KCNK3: variants seen among roughly 807,000 people sequenced by gnomAD.
The protein encoded by KCNK3 is potassium two pore domain channel subfamily K member 3, also known as potassium channel subfamily K member 3.
KCNK3 carries 9 observed loss-of-function variants against 27.3 expected under a neutral mutation model. The ratio of observed to expected loss-of-function variants is 0.33; its 90% CI spans 0.20 to 0.57. The LOEUF is 0.57. KCNK3 is among the 20% of genes least tolerant of loss of function. The pLI is 0.87. For synonymous variants in KCNK3, 278 were observed against 273.8 expected, an observed-to-expected ratio of 1.02 and a Z score of -0.15; for missense variants, 391 against 577.7, an observed-to-expected ratio of 0.68 and a Z score of 3.31.
chr2:26,700,513 C>T (rs2148255840), intron 1 of KCNK3, among the ~76,000 whole-genome samples: 1 of 152,346 alleles, frequency 6.6e-6, no homozygotes, highest in South Asian at 2.1e-4. Flanking sequence ...GGGCTGGTGG[C>T]CTCTCTGGCT....
intron 1 of KCNK3, among the ~76,000 whole-genome samples, chr2:26,694,412 T>C (rs1261103000): frequency 6.6e-6 from 1 of 152,190 alleles, no homozygotes; most frequent in East Asian, 1.9e-4. Flanking sequence ...GAAGATGGCA[T>C]TGTTTTCCTG....
chr2:26,726,340 G>T (rs1663420317), intron 1 of KCNK3, among the ~76,000 whole-genome samples: 1 of 152,142 alleles, frequency 6.6e-6, no homozygotes, highest in South Asian at 2.1e-4. Flanking sequence ...AGGACAGGGG[G>T]TGGTGGTAAT....
intron 1 of KCNK3, among the ~76,000 whole-genome samples, chr2:26,699,346 G>T (rs1052617095): frequency 3.9e-5 from 6 of 152,144 alleles, no homozygotes; most frequent in Non-Finnish European, 8.8e-5. Flanking sequence ...CCTGTCTGCA[G>T]GTCCCGTTTC....
At position 26,693,267 on chromosome 2, in the gene KCNK3, G is replaced by T; in HGVS notation, c.283+109G>T. On this transcript the variant is annotated intron_variant, in intron 1 of 1. Transcript: ENST00000302909. This position sits in a 1 kb window ranked among gnomAD's most constrained non-coding sequence, Gnocchi z 5.5. ...GCGGGGGCTCCCCCGAGAGGGGCTG[G>T]GCGCCGAACCCTGCGCTCGCAGAAA... 1 of 1,110,498 alleles carries T rather than the reference G, an allele frequency of 9.0e-7. No homozygotes were observed. The highest frequency in any genetic ancestry group is 3.1e-4 in the Middle Eastern group (1 of 3,182). The allele number at this position is 1,110,498 out of a possible 1,614,324, so 68.8% of individuals were successfully genotyped here. A position where few individuals can be genotyped will look rare whatever the true frequency, so the allele number is the denominator to read the frequency against.
At chr2:26,726,082 TAC>T (rs147849352) in intron 1 of KCNK3, among the ~76,000 whole-genome samples, 3,779 of 139,526 alleles carry the variant, frequency 0.027, 65 homozygotes, top group Non-Finnish European at 0.034. Context: ...AAATCATGCA[TAC>T]ACACACACAC....
intron 1 of KCNK3, among the ~76,000 whole-genome samples, chr2:26,696,337 C>G (rs1002968962): frequency 6.6e-6 from 1 of 152,168 alleles, no homozygotes; most frequent in Non-Finnish European, 1.5e-5. Flanking sequence ...GCAGCAGAGT[C>G]AGAGTGGGAA....
intron 1 of KCNK3, among the ~76,000 whole-genome samples, chr2:26,713,835 G>A (rs1663174612): frequency 6.6e-6 from 1 of 151,642 alleles, no homozygotes; most frequent in South Asian, 2.1e-4. Context: ...CAGCACTTTG[G>A]GAGGCCAAGA....
intron 1 of KCNK3, among the ~76,000 whole-genome samples, chr2:26,709,210 CA>C (rs1392057548): frequency 6.6e-6 from 1 of 152,178 alleles, no homozygotes; most frequent in Non-Finnish European, 1.5e-5. Context: ...TCCATGAAGG[CA>C]GTTAGACAGA....
chr2:26,723,700 C>T (rs147930360), intron 1 of KCNK3, among the ~76,000 whole-genome samples: 82 of 152,294 alleles, frequency 5.4e-4, no homozygotes, highest in African/African-American at 7.0e-4. Context: ...CTCATCTGTA[C>T]GATGTAAAGA....
intron 1 of KCNK3, among the ~76,000 whole-genome samples, chr2:26,724,070 G>A (rs1049840648): frequency 2.0e-5 from 3 of 152,232 alleles, no homozygotes; most frequent in South Asian, 2.1e-4. Context: ...GCAGGCAGAC[G>A]GGTCTTGCCA....
intron 1 of KCNK3, among the ~76,000 whole-genome samples, chr2:26,725,371 G>A (rs765875988): frequency 3.3e-5 from 5 of 152,184 alleles, no homozygotes; most frequent in Admixed American, 6.5e-5. Context: ...CTTCCAGAGT[G>A]TAGGAAAGAC....
intron 1 of KCNK3, among the ~76,000 whole-genome samples, chr2:26,718,620 T>TA (rs1663274433): frequency 1.3e-5 from 2 of 152,004 alleles, no homozygotes; most frequent in African/African-American, 2.4e-5. Context: ...AATACACTTT[T>TA]TTTTTTGAAA....
intron 1 of KCNK3, among the ~76,000 whole-genome samples, chr2:26,720,274 AAAC>A (rs1663304439): frequency 6.6e-6 from 1 of 152,102 alleles, no homozygotes; most frequent in Non-Finnish European, 1.5e-5. Flanking sequence ...AAACAAAACA[AAAC>A]AAAAAACGAG....
intron 1 of KCNK3, among the ~76,000 whole-genome samples, chr2:26,710,918 T>G (rs1663100005): frequency 6.6e-6 from 1 of 152,206 alleles, no homozygotes; most frequent in South Asian, 2.1e-4. Context: ...CATTCTCCCC[T>G]GGTTTATTTT....
chr2:26,708,893 G>A (rs1663045670), intron 1 of KCNK3, among the ~76,000 whole-genome samples: 1 of 152,202 alleles, frequency 6.6e-6, no homozygotes, highest in South Asian at 2.1e-4. Context: ...CCCCTCCAAA[G>A]AGAGGATGGT....
At chr2:26,714,680 G>C (rs1248818185) in intron 1 of KCNK3, among the ~76,000 whole-genome samples, 1 of 151,634 alleles carries the variant, frequency 6.6e-6, no homozygotes, top group Admixed American at 6.6e-5. Context: ...GAGGTCAGGA[G>C]TTCGAGACCA....
intron 1 of KCNK3, among the ~76,000 whole-genome samples, chr2:26,725,239 C>T (rs563565205): frequency 3.2e-4 from 49 of 152,300 alleles, no homozygotes; most frequent in Non-Finnish European, 5.7e-4. Context: ...TGAGATCCCA[C>T]GACCACTGCT....
At position 26,732,058 on chromosome 2, in the gene KCNK3, T is replaced by A. The variant is rs759742946; in HGVS notation, c.*3490T>A. The A allele has an allele frequency of 1.3e-5, 2 of 152,236 alleles. No homozygotes were observed. Among genetic ancestry groups the A allele is most frequent in the Non-Finnish European group, 2.9e-5 (2 of 68,086 alleles). 9.4% of individuals were successfully genotyped at this position (152,236 alleles called of 1,614,324 possible). A position where few individuals can be genotyped will look rare whatever the true frequency, so the allele number is the denominator to read the frequency against. On this transcript the variant is annotated 3_prime_UTR_variant, in exon 2 of 2. Coordinates refer to ENST00000302909, the MANE Select transcript of KCNK3 (RefSeq NM_002246.3). ...AAGCACCTTTCTTTGGGGTAGATTT[T>A]TCTCTGGGTCTAGAGGGACAGCTCA...
At position 26,726,106 on chromosome 2, in the gene KCNK3, C is replaced by CACAGAGAG. The variant is rs1553387172; in HGVS notation, c.284-1560_284-1559insCAGAGAGA. Among the ~76,000 whole-genome samples the CACAGAGAG allele has an allele frequency of 8.1e-3, 661 of 81,786 alleles. 8 individuals are homozygous for CACAGAGAG. Among genetic ancestry groups the CACAGAGAG allele is most frequent in the African/African-American group, 0.04 (604 of 15,082 alleles). 53.7% of individuals were successfully genotyped at this position (81,786 alleles called of 152,430 possible). ...ATACACACACACACACACACACACA[C>CACAGAGAG]AGAGAGAGAGAGAGAGAGAGAGAGA... is the stretch of plus-strand genomic sequence containing the variant. On this transcript the variant is annotated intron_variant, in intron 1 of 1. Transcript: ENST00000302909.
Sources: allele counts gnomAD v4.1 joint callset (sites outside exome capture counted in the v4.1 genomes callset), GRCh38; gene constraint gnomAD v4.1.1; non-coding constraint Gnocchi (gnomAD v3.1); transcripts MANE v1.5; gene names NCBI Gene and HGNC (gene_info 2026-07-23, HGNC 2026-07-21).